PCF11: variants seen among roughly 807,000 people sequenced by gnomAD.
PCF11 encodes the protein PCF11 cleavage and polyadenylation factor subunit.
A neutral mutation model predicts 166.1 loss-of-function variants in PCF11; 19 were observed. The observed-to-expected ratio is 0.11, with a 90% CI of 0.08 to 0.17. The LOEUF is 0.17. Among genes scored for constraint, PCF11 ranks in the 10% least tolerant of loss-of-function variants. PCF11 has a pLI of 1.00. For synonymous variants in PCF11, 663 were observed against 644.1 expected (o/e 1.03, Z -0.44); for missense variants, 1,565 against 1,855.5 (o/e 0.84, Z 2.88).
At position 83,169,490 on chromosome 11, in the gene PCF11, T is replaced by A. The variant is rs887981014; in HGVS notation, c.3155T>A (p.Phe1052Tyr). ...GGTCAGCCGTCACTCTTGCCAAGAT[T>A]TGATGGATTACATGGTCAGCCAGGT... The change falls in exon 8 of 16, where the codon TTT (phenylalanine) becomes TAT (tyrosine). Residue 1052 changes from phenylalanine to tyrosine, a missense_variant. Physicochemically the swap from Phe to Tyr is conservative, Grantham distance 22. Coordinates refer to ENST00000298281, the Ensembl canonical transcript of PCF11. 10 of 1,613,840 alleles carry A rather than the reference T, an allele frequency of 6.2e-6. No homozygotes were observed. Among genetic ancestry groups the A allele is most frequent in the Admixed American group, 1.7e-5 (1 of 60,018 alleles).
intron 1 of PCF11, among the ~76,000 whole-genome samples, chr11:83,160,531 G>T (rs894288153): frequency 6.6e-6 from 1 of 151,826 alleles, no homozygotes; most frequent in Non-Finnish European, 1.5e-5. Flanking sequence ...CTTTACTTTG[G>T]AAAGGGCCAC....
intron 9 of PCF11, 28 bp from the exon 10 acceptor site, chr11:83,177,057 T>G (rs1338153139): frequency 1.4e-6 from 2 of 1,429,802 alleles, no homozygotes; most frequent in East Asian, 2.7e-5. Flanking sequence ...AAAAGTGGTT[T>G]TTTTTCTTTC....
chr11:83,176,104 A>T (rs1328309244), intron 9 of PCF11, among the ~76,000 whole-genome samples: 1 of 152,218 alleles, frequency 6.6e-6, no homozygotes, highest in Non-Finnish European at 1.5e-5. Flanking sequence ...AAACTATTTC[A>T]TCTATATAAA....
intron 1 of PCF11, among the ~76,000 whole-genome samples, chr11:83,160,300 G>A (rs1860183518): frequency 6.7e-6 from 1 of 149,850 alleles, no homozygotes; most frequent in East Asian, 1.9e-4. Context: ...CACGTGGGGT[G>A]GGTAAATGGG....
intron 15 of PCF11, chr11:83,184,081 G>C (rs1271897263): frequency 6.7e-6 from 1 of 150,314 alleles, no homozygotes; most frequent in African/African-American, 2.5e-5. Flanking sequence ...GAATCCAGGA[G>C]GTGGAGGTTG....
intron 15 of PCF11, chr11:83,184,253 G>T (rs1339325910): frequency 6.4e-6 from 1 of 156,230 alleles, no homozygotes; most frequent in Non-Finnish European, 1.4e-5. Flanking sequence ...TGGGTTGGAG[G>T]CAATTTGGAA....
intron 15 of PCF11, 25 bp from the exon 16 acceptor site, chr11:83,184,654 A>C: frequency 2.0e-6 from 3 of 1,510,022 alleles, no homozygotes; most frequent in Non-Finnish European, 2.7e-6. Flanking sequence ...TTTCATCAGT[A>C]CTCATAGGGC....
At chr11:83,166,264 A>T (rs1258367120) in exon 5 of PCF11, 1 of 1,613,410 alleles carries the variant, frequency 6.2e-7, no homozygotes, top group East Asian at 2.2e-5. Flanking sequence ...ATTGTACAAA[A>T]ACAGGATACA....
intron 8 of PCF11, 69 bp from the exon 9 acceptor site, chr11:83,171,749 A>C: frequency 1.2e-6 from 1 of 815,020 alleles, no homozygotes; most frequent in East Asian, 2.4e-5. Flanking sequence ...ATTTTTATGT[A>C]ATTAGGATGT....
exon 5 of PCF11, chr11:83,165,737 T>C (rs771704236): frequency 1.2e-6 from 2 of 1,613,662 alleles, no homozygotes; most frequent in Non-Finnish European, 1.7e-6. Flanking sequence ...AGAAAAGCCG[T>C]CCAGGACCAT....
intron 7 of PCF11, 32 bp from the exon 8 acceptor site, chr11:83,168,396 T>TA: frequency 6.6e-7 from 1 of 1,521,706 alleles, no homozygotes; most frequent in African/African-American, 1.4e-5. Flanking sequence ...TAAGATAACT[T>TA]TAGTGAAAAT....
chr11:83,158,030 C>G (rs187547317), intron 1 of PCF11: 1 of 168,598 alleles, frequency 5.9e-6, no homozygotes, highest in East Asian at 1.6e-4. Context: ...TCCCCAAGCA[C>G]CCTTTTTGGT....
chr11:83,181,780 G>T, intron 12 of PCF11, 74 bp from the exon 13 acceptor site: 1 of 1,003,366 alleles, frequency 1.0e-6, no homozygotes, highest in East Asian at 2.7e-5. Flanking sequence ...CCTTTAAATG[G>T]CATTATATTG....
intron 8 of PCF11, among the ~76,000 whole-genome samples, chr11:83,170,233 C>T (rs1473849855): frequency 3.9e-5 from 6 of 152,120 alleles, no homozygotes; most frequent in Non-Finnish European, 5.9e-5. Context: ...ATCAAACCCC[C>T]ACCTCCAGCT....
At chr11:83,171,298 G>A in intron 8 of PCF11, 1 of 455,642 alleles carries the variant, frequency 2.2e-6, no homozygotes, top group South Asian at 1.6e-5. Context: ...TACCTGCTTG[G>A]TAATTCAGAA....
rs748784525 is a variant in PCF11 at position 83,177,793 on chromosome 11, T to C, written c.3957T>C (p.Thr1319=). Residue 1319 remains threonine, a synonymous_variant, in exon 11 of 16, where the codon ACT becomes ACC. Coordinates refer to ENST00000298281, the Ensembl canonical transcript of PCF11. ...AAGATCAAGATGTTCCAGATCTTAC[T>C]AATTTTACAGTTGAAGAATTGAAAC... is the stretch of plus-strand genomic sequence containing the variant. The C allele has an allele frequency of 2.0e-6, 3 of 1,526,394 alleles. No homozygotes were observed. In the South Asian group the frequency reaches 3.7e-5, roughly 19 times the overall value. The allele number at this position is 1,526,394 out of a possible 1,614,324, so 94.6% of individuals were successfully genotyped here.
chr11:83,164,287 G>C (rs1860368392), exon 4 of PCF11: 5 of 1,613,510 alleles, frequency 3.1e-6, no homozygotes, highest in Non-Finnish European at 4.2e-6. Context: ...ATATACAAAA[G>C]AATCTTACAC....
At position 83,167,805 on chromosome 11, in the gene PCF11, C is replaced by T. The variant is rs1565154745; in HGVS notation, c.2092+300C>T. On this transcript the variant is annotated intron_variant, in intron 7 of 15. Transcript: ENST00000298281. This position sits in a 1 kb window ranked among gnomAD's most constrained non-coding sequence, Gnocchi z 4.2. ...AGAACAATTTAGTGAAAGAGCAAGA[C>T]GTCTTTCTCCTATATCTGGGAGTCG... 5.9e-6 allele frequency: 8 copies of T among 1,355,638 alleles called. No individual in the cohort carries two copies. Among genetic ancestry groups the T allele is most frequent in the South Asian group, 1.2e-5 (1 of 81,628 alleles). The allele number at this position is 1,355,638 out of a possible 1,614,324, so 84.0% of individuals were successfully genotyped here.
chr11:83,184,980 C>T (rs756477328), exon 16 of PCF11: 48 of 804,264 alleles, frequency 6.0e-5, no homozygotes, highest in Non-Finnish European at 9.1e-5. Context: ...TATATATAGA[C>T]ATATCTATAT....
Sources: gnomAD v4.1 joint callset for allele counts (sites outside exome capture counted in the v4.1 genomes callset) on GRCh38, gnomAD v4.1.1 for gene constraint, Gnocchi (gnomAD v3.1) non-coding constraint, MANE v1.5 for transcripts, NCBI Gene and HGNC (gene_info 2026-07-23, HGNC 2026-07-21) for gene names.